Variants in RELL1 observed in about 807,000 individuals in gnomAD.
The protein encoded by RELL1 is RELT-like protein 1.
A neutral mutation model predicts 23.0 loss-of-function variants in RELL1; 10 were observed. The observed-to-expected ratio is 0.43, with a 90% CI of 0.27 to 0.74. RELL1 has a LOEUF of 0.74. RELL1 is among the 30% of genes least tolerant of loss of function. The pLI is 0.19. For synonymous variants in RELL1, 146 were observed against 146.8 expected (o/e 0.99, Z 0.04); for missense variants, 315 against 364.4 (o/e 0.86, Z 1.10).
At chr4:37,618,019 G>T (rs1209125349) in intron 6 of RELL1, among the ~76,000 whole-genome samples, 2 of 152,162 alleles carry the variant, frequency 1.3e-5, no homozygotes, top group African/African-American at 4.8e-5. Context: ...CCATCCAAAG[G>T]CACTGCCCAA....
chr4:37,616,678 AAAAT>A (rs72072562), intron 6 of RELL1, among the ~76,000 whole-genome samples: 26,682 of 152,118 alleles, frequency 0.18, 3,254 homozygotes, highest in African/African-American at 0.32. Flanking sequence ...ACTTTTAAAT[AAAAT>A]AAATAGAGAA....
At chr4:37,644,475 T>TTTAC (rs1372317346) in intron 3 of RELL1, among the ~76,000 whole-genome samples, 1 of 150,632 alleles carries the variant, frequency 6.6e-6, no homozygotes, top group Non-Finnish European at 1.5e-5. Context: ...TATTTATTTA[T>TTTAC]TTTTGAGACA....
At position 37,649,404 on chromosome 4, in the gene RELL1, G is replaced by A. The variant is rs537293027; in HGVS notation, c.185C>T (p.Ala62Val). ...CATGATAAAGAACACAGGGACAAGCGCGTATGCAATATATTCTGGGTGTCC... is the reference window on the plus strand; with the variant it reads ...CATGATAAAGAACACAGGGACAAGCACGTATGCAATATATTCTGGGTGTCC... ...GNGHPEYIAY[A>V]LVPVFFIMGL... The change falls in exon 2 of 7, where the codon GCG (alanine) becomes GTG (valine). Residue 62 changes from alanine to valine, a missense_variant. Physicochemically the swap from Ala to Val is moderately conservative, Grantham distance 64 (BLOSUM62 0). Coordinates refer to ENST00000454158, the MANE Select transcript of RELL1 (RefSeq NM_001085400.2). 25 of 1,614,210 alleles carry A rather than the reference G, an allele frequency of 1.5e-5. No homozygotes were observed. The highest frequency in any genetic ancestry group is 5.0e-5 in the Admixed American group (3 of 60,022).
At chr4:37,648,524 C>A (rs1330751248) in intron 2 of RELL1, among the ~76,000 whole-genome samples, 1 of 152,168 alleles carries the variant, frequency 6.6e-6, no homozygotes, top group East Asian at 1.9e-4. Flanking sequence ...CTCTCAAGGC[C>A]CAAGTCAGGA....
intron 6 of RELL1, among the ~76,000 whole-genome samples, chr4:37,601,720 T>C (rs1297816903): frequency 3.9e-5 from 6 of 152,262 alleles, no homozygotes; most frequent in African/African-American, 9.6e-5. Flanking sequence ...ATGCCAGAGC[T>C]TCACTTTCCA....
At position 37,638,418 on chromosome 4, in the gene RELL1, G is replaced by T. The variant is rs574607448; in HGVS notation, c.443+29C>A. The T allele has an allele frequency of 2.1e-5, 33 of 1,564,164 alleles. 1 individual carries two copies. The South Asian group carries it at 2.5e-4, about 12-fold the overall frequency. On this transcript the variant is annotated intron_variant, in intron 4 of 6. Transcript: ENST00000454158. ...CTGAGCAAGTAACTGAAAAGATGTC[G>T]CACTAAGAAAGAGGGGAGGAGCACT...
chr4:37,588,858 A>G (rs372698549), downstream of RELL1: 15 of 1,612,460 alleles, frequency 9.3e-6, no homozygotes, highest in African/African-American at 1.7e-4. Flanking sequence ...GGTAACAGAA[A>G]ACAATCCAGA....
chr4:37,654,545 C>A (rs1363120926), intron 1 of RELL1, among the ~76,000 whole-genome samples: 1 of 152,222 alleles, frequency 6.6e-6, no homozygotes, highest in African/African-American at 2.4e-5. Context: ...TCAATTTACA[C>A]TAATAATTTG....
At position 37,634,986 on chromosome 4, in the gene RELL1, C is replaced by A. The variant is rs182199681; in HGVS notation, c.581G>T (p.Arg194Leu). Residue 194 changes from arginine (R) to leucine (L), a missense_variant, in exon 5 of 7, where the codon CGG becomes CTG. Transcript: ENST00000454158. Reference sequence around the variant, plus strand: ...AAAGTGCCACCGCTTGTGCCTACACCGATGACACACATCCCTCTCGACAAC... The same window carrying A: ...AAAGTGCCACCGCTTGTGCCTACACAGATGACACACATCCCTCTCGACAAC... ...GGVVERDVCH[R>L]CRHKRWHFIK... The A allele has an allele frequency of 6.2e-7, 1 of 1,614,248 alleles. No homozygotes were observed. The highest frequency in any genetic ancestry group is 1.1e-5 in the South Asian group (1 of 91,076).
chr4:37,610,756 C>CAT lies in RELL1; in HGVS notation c.*2588_*2589dup, dbSNP rs1015002430. Among the ~76,000 whole-genome samples, 8 of 152,178 alleles carry CAT rather than the reference C, an allele frequency of 5.3e-5. No homozygotes were observed. Among genetic ancestry groups the CAT allele is most frequent in the African/African-American group, 1.7e-4 (7 of 41,430 alleles). On this transcript the variant is annotated 3_prime_UTR_variant, in exon 7 of 7. Coordinates refer to ENST00000454158, the MANE Select transcript of RELL1 (RefSeq NM_001085400.2). The surrounding 1 kb of genome is among the most constrained non-coding windows in gnomAD (Gnocchi z 4.1). ...TGAAAATTTTCCTTACAAATTTTTA[C>CAT]ATCAAGGTAGTAGCCAACTCATTGA... is the stretch of plus-strand genomic sequence containing the variant.
intron 6 of RELL1, among the ~76,000 whole-genome samples, chr4:37,599,175 G>T (rs1232672138): frequency 1.3e-5 from 2 of 152,204 alleles, no homozygotes; most frequent in East Asian, 3.8e-4. Flanking sequence ...ATAAAGAATA[G>T]AAAAGTTAGT....
At position 37,635,254 on chromosome 4, in the gene RELL1, G is replaced by T. The variant is rs890611182; in HGVS notation, c.444-131C>A. ...AAAAGCGTCTTCCAATTGTACAAAT[G>T]GACTTTGTGAACAGACCTCAGACAG... On this transcript the variant is annotated intron_variant, in intron 4 of 6. Transcript: ENST00000454158. 2.7e-5 allele frequency: 19 copies of T among 707,444 alleles called. No homozygotes were observed. In the African/African-American group the frequency reaches 3.4e-4, roughly 13 times the overall value. The allele number at this position is 707,444 out of a possible 1,614,324, so 43.8% of individuals were successfully genotyped here. A position where few individuals can be genotyped will look rare whatever the true frequency, so the allele number is the denominator to read the frequency against.
intron 6 of RELL1, among the ~76,000 whole-genome samples, chr4:37,620,614 C>G (rs533218466): frequency 6.6e-6 from 1 of 152,342 alleles, no homozygotes; most frequent in South Asian, 2.1e-4. Flanking sequence ...AGTACCATCT[C>G]TTTCTAATAA....
intron 6 of RELL1, among the ~76,000 whole-genome samples, chr4:37,624,581 G>A (rs566613236): frequency 1.3e-5 from 2 of 151,492 alleles, no homozygotes; most frequent in African/African-American, 2.4e-5. Flanking sequence ...CCGCCACCAC[G>A]CCCGGCTAAT....
In RELL1 at chr4:37,651,965, GGGAGCTGAAGCACGCCAGC is replaced by G. The variant is rs1720961469; in HGVS notation, c.89-2484_89-2466del. Among the ~76,000 whole-genome samples the G allele has an allele frequency of 3.3e-5, 5 of 152,238 alleles. No homozygotes were observed. In the East Asian group the frequency reaches 9.6e-4, roughly 29 times the overall value. On this transcript the variant is annotated intron_variant, in intron 1 of 6. Coordinates refer to ENST00000454158, the MANE Select transcript of RELL1 (RefSeq NM_001085400.2). ...AAAGTGGGTACAAGCTATACCACAG[GGGAGCTGAAGCACGCCAGC>G]GTGGCCAAGCAGGGCGTCGAGGCTG...
chr4:37,604,776 G>GACACACAGAC (rs1719109164), intron 6 of RELL1, among the ~76,000 whole-genome samples: 1 of 72,554 alleles, frequency 1.4e-5, no homozygotes, highest in Non-Finnish European at 3.2e-5. Flanking sequence ...CACACACACA[G>GACACACAGAC]ACACACACAG....
intron 6 of RELL1, among the ~76,000 whole-genome samples, chr4:37,614,542 G>T (rs1320453563): frequency 6.6e-6 from 1 of 152,054 alleles, no homozygotes; most frequent in East Asian, 1.9e-4. Context: ...AAGAACTGCA[G>T]ATTTTTACTG....
At chr4:37,677,376 A>C (rs993159964) in intron 1 of RELL1, among the ~76,000 whole-genome samples, 2 of 152,236 alleles carry the variant, frequency 1.3e-5, no homozygotes, top group Non-Finnish European at 2.9e-5. Flanking sequence ...GGACACAGTC[A>C]AGGTCTCTTC....
chr4:37,649,248 C>T, intron 2 of RELL1, 28 bp downstream of exon 2: 1 of 1,560,302 alleles, frequency 6.4e-7, no homozygotes, highest in East Asian at 2.2e-5. Flanking sequence ...TCTCCTCACC[C>T]CCAATAAAAA....
Sources: gnomAD v4.1 joint callset for allele counts (sites outside exome capture counted in the v4.1 genomes callset) on GRCh38, gnomAD v4.1.1 for gene constraint, Gnocchi (gnomAD v3.1) non-coding constraint, MANE v1.5 for transcripts, NCBI Gene and HGNC (gene_info 2026-07-23, HGNC 2026-07-21) for gene names.